PLSCR2: variants seen among roughly 807,000 people sequenced by gnomAD.
PLSCR2 encodes phospholipid scramblase 2.
Under a neutral mutation model 25.3 loss-of-function variants are expected in PLSCR2, and 18 were observed. The ratio of observed to expected loss-of-function variants is 0.71; its 90% CI spans 0.49 to 1.06. The LOEUF (loss-of-function observed/expected upper bound fraction) is 1.06, where lower values mean the gene tolerates loss of function less well. PLSCR2 is among the 50% of genes least tolerant of loss of function. PLSCR2 has a pLI of 0.00. For synonymous variants in PLSCR2, 88 were observed against 87.3 expected (o/e 1.01, Z -0.04); for missense variants, 243 against 269.5 (o/e 0.90, Z 0.69).
chr3:146,490,457 C>G (rs2043505047), intron 1 of PLSCR2, among the ~76,000 whole-genome samples: 1 of 152,042 alleles, frequency 6.6e-6, no homozygotes, highest in Non-Finnish European at 1.5e-5. Flanking sequence ...GTTGAAGACT[C>G]CCCCTATTAT....
At chr3:146,439,079 C>T (rs2040070395), downstream of PLSCR2, among the ~76,000 whole-genome samples, 1 of 152,168 alleles carries the variant, frequency 6.6e-6, no homozygotes, top group Non-Finnish European at 1.5e-5. Flanking sequence ...AAATTCTTTT[C>T]TTTAAGAATG....
intron 1 of PLSCR2, among the ~76,000 whole-genome samples, chr3:146,477,265 C>T (rs2108515586): frequency 6.6e-6 from 1 of 152,234 alleles, no homozygotes; most frequent in South Asian, 2.1e-4. Flanking sequence ...GGAGGGTGAC[C>T]CAAAGCAGGG....
chr3:146,411,396 A>G (rs2038843742), intron 2 of PLSCR2, among the ~76,000 whole-genome samples: 1 of 152,180 alleles, frequency 6.6e-6, no homozygotes, highest in Non-Finnish European at 1.5e-5. Context: ...GACATACCTG[A>G]CCCTGGGGTC....
chr3:146,429,775 G>A (rs537783636), downstream of PLSCR2, among the ~76,000 whole-genome samples: 10 of 152,030 alleles, frequency 6.6e-5, no homozygotes, highest in Admixed American at 2.0e-4. Flanking sequence ...ATAGGCGCCC[G>A]CCACCACACC....
downstream of PLSCR2, chr3:146,433,157 T>A (rs1030054432): frequency 3.9e-5 from 6 of 152,184 alleles, no homozygotes; most frequent in Non-Finnish European, 7.4e-5. Context: ...TCCATCATAC[T>A]TTAAAATAGG....
In PLSCR2 at chr3:146,414,645, C is replaced by T. The variant is rs187978307; in HGVS notation, c.101-18724G>A. Among the ~76,000 whole-genome samples the T allele has an allele frequency of 3.3e-5, 5 of 151,500 alleles. No individual in the cohort carries two copies. The East Asian group carries it at 7.8e-4, about 24-fold the overall frequency. On this transcript the variant is annotated intron_variant and NMD_transcript_variant, in intron 2 of 3. Transcript: ENST00000463633. ...TCATTTCCATGCATTTTGGTTTCATCCACATAAAAGAAATACTCATACTAA... is the reference window on the plus strand; with the variant it reads ...TCATTTCCATGCATTTTGGTTTCATTCACATAAAAGAAATACTCATACTAA...
At chr3:146,482,160 G>A (rs2043153056) in intron 1 of PLSCR2, among the ~76,000 whole-genome samples, 1 of 152,066 alleles carries the variant, frequency 6.6e-6, no homozygotes, top group Non-Finnish European at 1.5e-5. Context: ...CAGGACATAG[G>A]CATGGGCAAG....
chr3:146,397,929 C>T (rs1559966761), intron 2 of PLSCR2, among the ~76,000 whole-genome samples: 1 of 151,848 alleles, frequency 6.6e-6, no homozygotes, highest in Non-Finnish European at 1.5e-5. Flanking sequence ...CAGTAAGAAT[C>T]AGAATCACTA....
chr3:146,454,046 C>T, exon 5 of PLSCR2: 2 of 1,609,848 alleles, frequency 1.2e-6, no homozygotes, highest in Non-Finnish European at 8.5e-7. Context: ...ATACATGGAC[C>T]ACTAATTTTT....
chr3:146,457,910 G>C (rs2041312763), intron 3 of PLSCR2, among the ~76,000 whole-genome samples: 1 of 152,118 alleles, frequency 6.6e-6, no homozygotes, highest in African/African-American at 2.4e-5. Flanking sequence ...GTAGGAGATT[G>C]GTTCTAGGAC....
intron 1 of PLSCR2, chr3:146,494,861 T>C (rs1576763108): frequency 6.6e-6 from 1 of 152,190 alleles, no homozygotes; most frequent in African/African-American, 2.4e-5. Context: ...CTCATACTTA[T>C]GAAACACTCT....
intron 6 of PLSCR2, among the ~76,000 whole-genome samples, chr3:146,443,278 C>G (rs1404415831): frequency 6.6e-6 from 1 of 151,918 alleles, no homozygotes; most frequent in Non-Finnish European, 1.5e-5. Context: ...AAATACTGGC[C>G]TCATAGAATA....
upstream of PLSCR2, among the ~76,000 whole-genome samples, chr3:146,461,288 C>T (rs1472140288): frequency 1.3e-5 from 2 of 152,068 alleles, no homozygotes; most frequent in African/African-American, 4.8e-5. Context: ...TGGTGACAGG[C>T]TCATATACTA....
At chr3:146,444,758 C>A (rs1213220243) in intron 6 of PLSCR2, among the ~76,000 whole-genome samples, 1 of 151,612 alleles carries the variant, frequency 6.6e-6, no homozygotes, top group Non-Finnish European at 1.5e-5. Flanking sequence ...ATATTCAATG[C>A]CATTATTGAT....
chr3:146,454,537 A>G (rs1464089024), intron 4 of PLSCR2, among the ~76,000 whole-genome samples: 2 of 152,200 alleles, frequency 1.3e-5, no homozygotes, highest in South Asian at 2.1e-4. Context: ...AGCAATCTGT[A>G]TGGAAGACTA....
chr3:146,418,295 C>G (rs541280705), intron 2 of PLSCR2, among the ~76,000 whole-genome samples: 4 of 152,076 alleles, frequency 2.6e-5, no homozygotes, highest in Non-Finnish European at 5.9e-5. Flanking sequence ...TCCAAAATCT[C>G]AACACATTAC....
intron 1 of PLSCR2, among the ~76,000 whole-genome samples, chr3:146,491,214 T>C (rs2043540132): frequency 6.6e-6 from 1 of 152,166 alleles, no homozygotes; most frequent in Non-Finnish European, 1.5e-5. Flanking sequence ...CTAAAACTTC[T>C]GCTGTTAGAC....
Position 146,413,289 on chromosome 3 carries a change from T to C in PLSCR2, c.101-17368A>G, listed in dbSNP as rs150633872. Among the ~76,000 whole-genome samples the C allele has an allele frequency of 8.9e-4, 135 of 152,262 alleles. No individual in the cohort carries two copies. The East Asian group carries it at 0.022, about 25-fold the overall frequency. Reference sequence around the variant, plus strand: ...TGGCTCCCTTGTATTTTTACTAATCTCCTTAGTAAACCACTGCTTGGCTAC... The same window carrying C: ...TGGCTCCCTTGTATTTTTACTAATCCCCTTAGTAAACCACTGCTTGGCTAC... On this transcript the variant is annotated intron_variant and NMD_transcript_variant, in intron 2 of 3. Transcript: ENST00000463633.
chr3:146,435,278 T>A (rs1426236795), intron 8 of PLSCR2, among the ~76,000 whole-genome samples: 1 of 152,212 alleles, frequency 6.6e-6, no homozygotes, highest in Non-Finnish European at 1.5e-5. Context: ...ATCCTTTGGG[T>A]ATATACCCAG....
Sources: allele counts gnomAD v4.1 joint callset (sites outside exome capture counted in the v4.1 genomes callset), GRCh38; gene constraint gnomAD v4.1.1; transcripts MANE v1.5; gene names NCBI Gene and HGNC (gene_info 2026-07-23, HGNC 2026-07-21).